Variants in VRK3 observed in about 807,000 individuals in gnomAD.
The protein encoded by VRK3 is VRK serine/threonine kinase 3, also known as serine/threonine-protein kinase VRK3.
VRK3 carries 50 observed loss-of-function variants against 60.4 expected under a neutral mutation model. The observed-to-expected ratio is 0.83, with a 90% CI of 0.66 to 1.05. VRK3 has a LOEUF of 1.05. Ranked by LOEUF, VRK3 falls within the 50% of genes least tolerant of loss-of-function variation. The pLI is 0.00. For synonymous variants in VRK3, 246 were observed against 227.8 expected (o/e 1.08, Z -0.72); for missense variants, 549 against 585.3 (o/e 0.94, Z 0.64).
At chr19:50,023,359 A>G (rs1467605489) in intron 1 of VRK3, among the ~76,000 whole-genome samples, 5 of 152,046 alleles carry the variant, frequency 3.3e-5, no homozygotes, top group Non-Finnish European at 1.5e-5. Context: ...CTAATTTTAT[A>G]TTTTTAGTAG....
Position 50,000,953 on chromosome 19 carries a change from TG to T in VRK3, c.548-100del, listed in dbSNP as rs530045342. On this transcript the variant is annotated intron_variant, in intron 5 of 14. Coordinates refer to ENST00000316763, the MANE Select transcript of VRK3 (RefSeq NM_016440.4). ...GCAATGAGAAGCGGCTCTGGTGCCC[TG>T]GTTCCAACAAGGTCAAGCGCACTCT... 5.9e-6 allele frequency: 7 copies of T among 1,185,790 alleles called. No homozygotes were observed. In the Admixed American group the frequency reaches 1.2e-4, roughly 20 times the overall value. 73.5% of individuals were successfully genotyped at this position (1,185,790 alleles called of 1,614,324 possible). A position where few individuals can be genotyped will look rare whatever the true frequency, so the allele number is the denominator to read the frequency against.
intron 5 of VRK3, among the ~76,000 whole-genome samples, chr19:50,002,602 T>A (rs1403969210): frequency 2.0e-5 from 3 of 152,170 alleles, no homozygotes; most frequent in East Asian, 3.9e-4. Context: ...ATAATCTGCT[T>A]TGCAGATTAT....
chr19:49,990,732 C>T (rs1401492827), intron 10 of VRK3, among the ~76,000 whole-genome samples: 1 of 152,066 alleles, frequency 6.6e-6, no homozygotes, highest in Non-Finnish European at 1.5e-5. Context: ...TATACACTTC[C>T]CCGGCTCCCT....
At chr19:50,014,449 T>C (rs527843409) in intron 3 of VRK3, among the ~76,000 whole-genome samples, 2 of 151,872 alleles carry the variant, frequency 1.3e-5, no homozygotes, top group South Asian at 4.2e-4. Context: ...ATCCCAGCTA[T>C]TTGGGAGGCT....
intron 7 of VRK3, among the ~76,000 whole-genome samples, chr19:49,996,211 C>T (rs990739223): frequency 2.7e-5 from 4 of 150,760 alleles, no homozygotes; most frequent in African/African-American, 7.5e-5. Flanking sequence ...TCAGCCACCA[C>T]GCCCGGCCTT....
chr19:50,004,474 G>A (rs576470373), intron 5 of VRK3, among the ~76,000 whole-genome samples: 19 of 152,220 alleles, frequency 1.2e-4, no homozygotes, highest in South Asian at 6.2e-4. Context: ...GAGTGCCTGC[G>A]TTCAAATCCC....
At chr19:49,979,746 G>A (rs1396161050) in intron 13 of VRK3, among the ~76,000 whole-genome samples, 1 of 152,092 alleles carries the variant, frequency 6.6e-6, no homozygotes, top group Non-Finnish European at 1.5e-5. Flanking sequence ...CTGAACCCAG[G>A]GATTTAAAGT....
At chr19:50,001,442 G>A (rs2076803998) in intron 5 of VRK3, 1 of 152,508 alleles carries the variant, frequency 6.6e-6, no homozygotes, top group Non-Finnish European at 1.5e-5. Flanking sequence ...GGACATAAAG[G>A]CCCAGCCTCT....
At chr19:50,019,009 C>CA (rs1235161027) in intron 2 of VRK3, 3 of 149,824 alleles carry the variant, frequency 2.0e-5, no homozygotes, top group Non-Finnish European at 4.4e-5. Context: ...ACTAAAAATA[C>CA]AAAAAATTAG....
intron 4 of VRK3, among the ~76,000 whole-genome samples, chr19:50,008,078 G>C (rs2076929275): frequency 6.6e-6 from 1 of 152,174 alleles, no homozygotes; most frequent in African/African-American, 2.4e-5. Flanking sequence ...GTCAGATGCG[G>C]GTCTGAGACA....
chr19:49,982,441 C>A (rs1292246100), intron 12 of VRK3, among the ~76,000 whole-genome samples: 1 of 152,176 alleles, frequency 6.6e-6, no homozygotes, highest in East Asian at 1.9e-4. Flanking sequence ...CCACGCCTGG[C>A]TGAGGCCATT....
intron 1 of VRK3, among the ~76,000 whole-genome samples, chr19:50,023,739 T>TG (rs567434551): frequency 0.015 from 1,325 of 88,798 alleles, 8 homozygotes; most frequent in African/African-American, 0.037. Context: ...AGAAGGTGGG[T>TG]GGGGGGGGTC....
chr19:49,993,995 A>C (rs545838250), intron 9 of VRK3, among the ~76,000 whole-genome samples: 8 of 152,166 alleles, frequency 5.3e-5, no homozygotes, highest in African/African-American at 1.9e-4. Context: ...AGTGCCCTCA[A>C]GACAGATCCC....
intron 6 of VRK3, chr19:49,999,438 G>A (rs955969656): frequency 6.6e-6 from 1 of 152,350 alleles, no homozygotes; most frequent in Non-Finnish European, 1.5e-5. Flanking sequence ...AATTGGGTCT[G>A]ACCCATCTCT....
chr19:50,001,944 G>A (rs543884560), intron 5 of VRK3, among the ~76,000 whole-genome samples: 12 of 152,120 alleles, frequency 7.9e-5, no homozygotes, highest in East Asian at 3.9e-4. Context: ...CCCCCTTCAC[G>A]CACACTGCTC....
rs550774736 is a variant in VRK3, at chr19:49,979,260, C to T, written c.1277-18G>A. The T allele has an allele frequency of 1.9e-6, 3 of 1,614,006 alleles. No individual in the cohort carries two copies. Among genetic ancestry groups the T allele is most frequent in the African/African-American group, 1.3e-5 (1 of 75,016 alleles). On this transcript the variant is annotated intron_variant, in intron 13 of 14. Coordinates refer to ENST00000316763, the MANE Select transcript of VRK3 (RefSeq NM_016440.4). ...CAGGGTCTCTGTGGTCAAGACAACC[C>T]CCAGCAAGGGAGAGCCTGAGAGGCA...
At chr19:49,979,453 G>A (rs2076387592) in intron 13 of VRK3, among the ~76,000 whole-genome samples, 1 of 152,118 alleles carries the variant, frequency 6.6e-6, no homozygotes, top group South Asian at 2.1e-4. Context: ...CCAGTAGAAG[G>A]GCATGAACAC....
chr19:50,009,533 T>C lies in VRK3; in HGVS notation c.140-148A>G, dbSNP rs2076959927. 8 of 908,312 alleles carry C rather than the reference T, an allele frequency of 8.8e-6. No homozygotes were observed. In the South Asian group the frequency reaches 1.1e-4, roughly 12 times the overall value. The allele number at this position is 908,312 out of a possible 1,614,324, so 56.3% of individuals were successfully genotyped here. A position where few individuals can be genotyped will look rare whatever the true frequency, so the allele number is the denominator to read the frequency against. On this transcript the variant is annotated intron_variant, in intron 3 of 14. Transcript: ENST00000316763. ...TTGCTTCTTCTATTATGTAAATATA[T>C]GAGCAAACTGTTCCTTTTAGTTGTT...
intron 1 of VRK3, among the ~76,000 whole-genome samples, chr19:50,023,822 C>T (rs921479659): frequency 3.3e-5 from 5 of 152,122 alleles, no homozygotes; most frequent in Non-Finnish European, 5.9e-5. Flanking sequence ...AGCTCAGGGC[C>T]GGAATTATCT....
Sources: gnomAD v4.1 joint callset for allele counts (sites outside exome capture counted in the v4.1 genomes callset) on GRCh38, gnomAD v4.1.1 for gene constraint, MANE v1.5 for transcripts, NCBI Gene and HGNC (gene_info 2026-07-23, HGNC 2026-07-21) for gene names.